TNR: variants seen among roughly 807,000 people sequenced by gnomAD.
The protein encoded by TNR is tenascin-R.
Under a neutral mutation model 150.4 loss-of-function variants are expected in TNR, and 45 were observed. The observed-to-expected ratio is 0.30, with a 90% CI of 0.24 to 0.38. The LOEUF is 0.38. Ranked by LOEUF, TNR falls within the 10% of genes least tolerant of loss-of-function variation. The probability of loss-of-function intolerance (pLI) is 1.00; values close to 1 mark genes in which losing one functional copy is unlikely to be tolerated. For synonymous variants in TNR, 687 were observed against 678.4 expected (o/e 1.01, Z -0.20); for missense variants, 1,544 against 1,759.1 (o/e 0.88, Z 2.19).
chr1:175,402,810 A>G (rs974610418), intron 4 of TNR, among the ~76,000 whole-genome samples: 4 of 152,136 alleles, frequency 2.6e-5, no homozygotes, highest in Non-Finnish European at 5.9e-5. Context: ...AGGTGGTCCC[A>G]TGACTTCACT....
intron 20 of TNR, among the ~76,000 whole-genome samples, chr1:175,334,531 T>C (rs542634646): frequency 2.6e-5 from 4 of 152,344 alleles, no homozygotes; most frequent in African/African-American, 7.2e-5. Context: ...ACAGCACTAT[T>C]GCAGATTGGT....
intron 1 of TNR, among the ~76,000 whole-genome samples, chr1:175,564,500 G>A (rs188073501): frequency 1.5e-4 from 23 of 152,286 alleles, no homozygotes; most frequent in African/African-American, 5.3e-4. Context: ...ATGGTACCTA[G>A]AGGCTCAGAA....
intron 1 of TNR, among the ~76,000 whole-genome samples, chr1:175,591,692 C>T (rs1662804437): frequency 1.3e-5 from 2 of 152,206 alleles, no homozygotes; most frequent in African/African-American, 2.4e-5. Flanking sequence ...GGTTTTCCCA[C>T]CTATTACATC....
chr1:175,572,240 A>G (rs917696268), intron 1 of TNR, among the ~76,000 whole-genome samples: 2 of 152,186 alleles, frequency 1.3e-5, no homozygotes, highest in Admixed American at 6.5e-5. Context: ...CTGCCATTTC[A>G]TTCATTTGCT....
At chr1:175,474,387 C>T (rs773375891) in intron 2 of TNR, among the ~76,000 whole-genome samples, 5 of 152,146 alleles carry the variant, frequency 3.3e-5, no homozygotes, top group Non-Finnish European at 7.3e-5. Flanking sequence ...GCACAGTGAG[C>T]CAGCCATGTG....
chr1:175,476,670 A>T (rs1293404589), intron 2 of TNR, among the ~76,000 whole-genome samples: 1 of 152,254 alleles, frequency 6.6e-6, no homozygotes, highest in Non-Finnish European at 1.5e-5. Context: ...GGGGTGCTGG[A>T]AAGTGGAGTA....
intron 2 of TNR, among the ~76,000 whole-genome samples, chr1:175,516,268 T>A (rs1659401927): frequency 6.6e-6 from 1 of 152,190 alleles, no homozygotes; most frequent in South Asian, 2.1e-4. Flanking sequence ...TTCCTGAAGT[T>A]GTAATTTTAT....
rs115698567 is a variant in TNR, at chr1:175,634,516, T to C, written c.-164-106147A>G. ...GGCTTATCTCAATAACCCAAGTGCG[T>C]GTGAAGAATGGAATATATCAGAGAG... On this transcript the variant is annotated intron_variant, in intron 1 of 22. Transcript: ENST00000367674. Among the ~76,000 whole-genome samples the C allele has an allele frequency of 4.0e-3, 609 of 152,298 alleles. 7 individuals carry two copies. Among genetic ancestry groups the C allele is most frequent in the African/African-American group, 0.014 (582 of 41,556 alleles).
At chr1:175,613,468 AC>A (rs1347618477) in intron 1 of TNR, among the ~76,000 whole-genome samples, 1 of 81,598 alleles carries the variant, frequency 1.2e-5, no homozygotes, top group African/African-American at 4.7e-5. Flanking sequence ...ACCCCATCCC[AC>A]CCCAGAGCCA....
chr1:175,355,045 A>G (rs1287071017), intron 17 of TNR, among the ~76,000 whole-genome samples: 1 of 152,186 alleles, frequency 6.6e-6, no homozygotes, highest in African/African-American at 2.4e-5. Flanking sequence ...CACCTTTATA[A>G]TGCTTATCAA....
intron 2 of TNR, among the ~76,000 whole-genome samples, chr1:175,497,133 C>A (rs1209523512): frequency 1.3e-5 from 2 of 152,226 alleles, no homozygotes; most frequent in African/African-American, 4.8e-5. Flanking sequence ...TCCTTGCTTT[C>A]TTTTAATAGT....
At chr1:175,526,980 G>A (rs1205002226) in intron 2 of TNR, among the ~76,000 whole-genome samples, 3 of 152,252 alleles carry the variant, frequency 2.0e-5, no homozygotes, top group Admixed American at 6.5e-5. Flanking sequence ...GTGCCAGGAG[G>A]TGGCTTTGAG....
chr1:175,559,240 C>A (rs1661317084), intron 1 of TNR, among the ~76,000 whole-genome samples: 1 of 152,172 alleles, frequency 6.6e-6, no homozygotes, highest in Non-Finnish European at 1.5e-5. Flanking sequence ...GGTGGTTCCA[C>A]ACACTGTGAA....
rs1557859059 is a variant in TNR at position 175,317,416 on chromosome 1, G to T, written c.*5941C>A. Reference sequence around the variant, plus strand: ...GAAAGTGTATTTCCAACATTTGCCTGTTGGAGGCAGTGTTGAGCATATTAG... The same window carrying T: ...GAAAGTGTATTTCCAACATTTGCCTTTTGGAGGCAGTGTTGAGCATATTAG... On this transcript the variant is annotated 3_prime_UTR_variant, in exon 23 of 23. Transcript: ENST00000367674. The T allele has an allele frequency of 6.6e-6, 1 of 152,236 alleles. No individual in the cohort carries two copies. Among genetic ancestry groups the T allele is most frequent in the Non-Finnish European group, 1.5e-5 (1 of 68,046 alleles). The allele number at this position is 152,236 out of a possible 1,614,324, so 9.4% of individuals were successfully genotyped here. A position where few individuals can be genotyped will look rare whatever the true frequency, so the allele number is the denominator to read the frequency against.
chr1:175,727,945 T>C (rs1039892515), intron 1 of TNR, among the ~76,000 whole-genome samples: 1 of 152,190 alleles, frequency 6.6e-6, no homozygotes. Flanking sequence ...TAGGAAAATA[T>C]AGTGAGTTTG....
chr1:175,664,212 G>A (rs1187666746), intron 1 of TNR, among the ~76,000 whole-genome samples: 2 of 152,230 alleles, frequency 1.3e-5, no homozygotes, highest in East Asian at 3.9e-4. Flanking sequence ...GCAAAAACCT[G>A]GACCTAGGCT....
intron 1 of TNR, among the ~76,000 whole-genome samples, chr1:175,680,104 C>T (rs1048845823): frequency 3.9e-5 from 6 of 152,212 alleles, no homozygotes; most frequent in Non-Finnish European, 5.9e-5. Context: ...CATCTGTATG[C>T]AGGGCACTCC....
At chr1:175,509,213 G>T (rs970649937) in intron 2 of TNR, among the ~76,000 whole-genome samples, 2 of 152,102 alleles carry the variant, frequency 1.3e-5, no homozygotes, top group African/African-American at 4.8e-5. Context: ...CTCCGCCAGT[G>T]GTGTTTTTAT....
rs528005934 is a variant in TNR, at chr1:175,360,810, T to C, written c.2855-1079A>G. Among the ~76,000 whole-genome samples, 3 of 152,322 alleles carry C rather than the reference T, an allele frequency of 2.0e-5. No individual in the cohort carries two copies. The East Asian group carries it at 5.8e-4, about 29-fold the overall frequency. Reference sequence around the variant, plus strand: ...CACTTGGCTTGATCTATCTGAGACATGCATGATACCACGAGACAAACATGA... The same window carrying C: ...CACTTGGCTTGATCTATCTGAGACACGCATGATACCACGAGACAAACATGA... On this transcript the variant is annotated intron_variant, in intron 14 of 22. Coordinates refer to ENST00000367674, the MANE Select transcript of TNR (RefSeq NM_003285.3).
Sources: gnomAD v4.1 joint callset for allele counts (sites outside exome capture counted in the v4.1 genomes callset) on GRCh38, gnomAD v4.1.1 for gene constraint, MANE v1.5 for transcripts, NCBI Gene and HGNC (gene_info 2026-07-23, HGNC 2026-07-21) for gene names.